TLN2: variants seen among roughly 807,000 people sequenced by gnomAD.
TLN2 encodes talin-2.
A neutral mutation model predicts 294.7 loss-of-function variants in TLN2; 118 were observed. The ratio of observed to expected loss-of-function variants is 0.40; its 90% CI spans 0.34 to 0.47. The LOEUF (loss-of-function observed/expected upper bound fraction) is 0.47, where lower values mean the gene tolerates loss of function less well. Among genes scored for constraint, TLN2 ranks in the 20% least tolerant of loss-of-function variants. TLN2 has a pLI of 0.84. For missense variants in TLN2, 3,083 were observed against 3,282.2 expected (o/e 0.94, Z 1.48); for synonymous variants, 1,431 against 1,304.5 (o/e 1.10, Z -2.09).
chr15:62,466,995 G>A (rs763816006), intron 1 of TLN2, among the ~76,000 whole-genome samples: 68 of 152,210 alleles, frequency 4.5e-4, no homozygotes, highest in Non-Finnish European at 8.2e-4. Context: ...TTAGCCCTCC[G>A]TTTTGTGAGC....
At chr15:62,727,304 T>A (rs1438439217) in intron 28 of TLN2, 115 bp downstream of exon 28, 1 of 904,746 alleles carries the variant, frequency 1.1e-6, no homozygotes, top group African/African-American at 1.7e-5. Context: ...TCCCAGCAGT[T>A]CACCGTATAT....
intron 1 of TLN2, among the ~76,000 whole-genome samples, chr15:62,461,123 A>AT (rs2036778196): frequency 6.6e-6 from 1 of 151,654 alleles, no homozygotes; most frequent in South Asian, 2.1e-4. Flanking sequence ...TAATTTTTGT[A>AT]TTTTTTAGTA....
At chr15:62,762,230 G>A in intron 38 of TLN2, 42 bp from the exon 39 acceptor site, 3 of 1,610,514 alleles carry the variant, frequency 1.9e-6, no homozygotes, top group Non-Finnish European at 2.5e-6. Context: ...ATTCACTCAT[G>A]TCTTCGACCC....
At chr15:62,468,600 C>G (rs1328026782) in intron 1 of TLN2, among the ~76,000 whole-genome samples, 6 of 151,988 alleles carry the variant, frequency 3.9e-5, no homozygotes, top group Non-Finnish European at 7.4e-5. Context: ...AAAAAATTAG[C>G]CGGGTGTGGT....
chr15:62,489,826 C>T (rs1366979618), intron 1 of TLN2, among the ~76,000 whole-genome samples: 2 of 152,220 alleles, frequency 1.3e-5, no homozygotes, highest in African/African-American at 2.4e-5. Flanking sequence ...TGGAGAGTCC[C>T]ACAAAGTGGG....
intron 1 of TLN2, among the ~76,000 whole-genome samples, chr15:62,513,461 G>T (rs995577588): frequency 1.3e-5 from 2 of 152,210 alleles, no homozygotes; most frequent in Non-Finnish European, 2.9e-5. Flanking sequence ...TTTCTGCTCT[G>T]TTGTAAATGT....
At chr15:62,547,090 G>A (rs1249796482) in intron 1 of TLN2, among the ~76,000 whole-genome samples, 1 of 152,188 alleles carries the variant, frequency 6.6e-6, no homozygotes, top group African/African-American at 2.4e-5. Context: ...TATGAAGGGA[G>A]GATTAACTGT....
At chr15:62,833,663 C>T (rs780781148) in intron 55 of TLN2, 34 bp downstream of exon 55, 7 of 1,606,722 alleles carry the variant, frequency 4.4e-6, no homozygotes, top group Admixed American at 3.4e-5. Context: ...GCGGGACACT[C>T]AACGTACGAG....
At chr15:62,458,786 A>T (rs899660575) in intron 1 of TLN2, among the ~76,000 whole-genome samples, 7 of 151,786 alleles carry the variant, frequency 4.6e-5, no homozygotes, top group African/African-American at 1.7e-4. Context: ...AAAAATAAAA[A>T]ACTCAAGGAT....
At chr15:62,582,494 C>T (rs1444399691) in intron 1 of TLN2, among the ~76,000 whole-genome samples, 1 of 152,082 alleles carries the variant, frequency 6.6e-6, no homozygotes, top group Non-Finnish European at 1.5e-5. Context: ...TTTGTAAGTA[C>T]AGAAATTGAG....
intron 40 of TLN2, 33 bp from the exon 41 acceptor site, chr15:62,766,288 A>T: frequency 6.3e-7 from 1 of 1,588,364 alleles, no homozygotes; most frequent in South Asian, 1.1e-5. Context: ...GGGAGCTGTT[A>T]TGGGATGAAC....
intron 1 of TLN2, among the ~76,000 whole-genome samples, chr15:62,460,027 G>A (rs917921671): frequency 5.3e-5 from 8 of 152,194 alleles, no homozygotes; most frequent in Non-Finnish European, 1.2e-4. Context: ...CAGCTCTGTA[G>A]GCTCTGAGCA....
intron 1 of TLN2, among the ~76,000 whole-genome samples, chr15:62,395,568 C>T (rs1366090169): frequency 6.6e-6 from 1 of 152,080 alleles, no homozygotes; most frequent in African/African-American, 2.4e-5. Flanking sequence ...GCCATGTGAG[C>T]CAGCAATCCC....
chr15:62,623,214 G>A (rs2048985647), intron 3 of TLN2, among the ~76,000 whole-genome samples: 2 of 152,236 alleles, frequency 1.3e-5, no homozygotes, highest in African/African-American at 4.8e-5. Context: ...CTTTGGGACT[G>A]CACATCCTAA....
chr15:62,611,151 G>A (rs573462248), intron 2 of TLN2, among the ~76,000 whole-genome samples: 51 of 152,204 alleles, frequency 3.4e-4, no homozygotes, highest in African/African-American at 9.2e-4. Flanking sequence ...AAGATAGAGC[G>A]ATATTAACAT....
At chr15:62,543,506 C>T (rs1428640956) in intron 1 of TLN2, among the ~76,000 whole-genome samples, 1 of 151,774 alleles carries the variant, frequency 6.6e-6, no homozygotes, top group East Asian at 1.9e-4. Context: ...GCCTATAATC[C>T]CAGCACTTTG....
chr15:62,766,146 G>A (rs1385118156), intron 40 of TLN2, among the ~76,000 whole-genome samples, 175 bp from the exon 41 acceptor site: 1 of 152,202 alleles, frequency 6.6e-6, no homozygotes, highest in Non-Finnish European at 1.5e-5. Context: ...TCTTTCTCGG[G>A]AGGAGTCATC....
chr15:62,813,357 T>A (rs538432016), intron 52 of TLN2, among the ~76,000 whole-genome samples: 1 of 152,348 alleles, frequency 6.6e-6, no homozygotes, highest in South Asian at 2.1e-4. Context: ...GATATATCAA[T>A]GTCCTAGTTC....
chr15:62,456,575 G>C lies in TLN2; in HGVS notation c.-238+65890G>C, dbSNP rs565692660. On this transcript the variant is annotated intron_variant, in intron 1 of 58. Coordinates refer to ENST00000636159, the MANE Select transcript of TLN2 (RefSeq NM_015059.3). ...TGGGTAGACTTAGGTAGTATTTATAGCATTCCCAAGACAAGTTATTGCCAA... is the reference window on the plus strand; with the variant it reads ...TGGGTAGACTTAGGTAGTATTTATACCATTCCCAAGACAAGTTATTGCCAA... Among the ~76,000 whole-genome samples, 171 of 152,354 alleles carry C rather than the reference G, an allele frequency of 1.1e-3. 1 individual carries two copies. The highest frequency in any genetic ancestry group is 9.1e-3 in the South Asian group (44 of 4,828).
Sources: allele counts gnomAD v4.1 joint callset (sites outside exome capture counted in the v4.1 genomes callset), GRCh38; gene constraint gnomAD v4.1.1; transcripts MANE v1.5; gene names NCBI Gene and HGNC (gene_info 2026-07-23, HGNC 2026-07-21).